Variants in ST14 observed in about 807,000 individuals in gnomAD.
The protein encoded by ST14 is ST14 transmembrane serine protease matriptase.
Under a neutral mutation model 96.5 loss-of-function variants are expected in ST14, and 40 were observed. That is an observed-to-expected ratio of 0.41 (90% CI 0.32 to 0.54). ST14 has a LOEUF of 0.54. Among genes scored for constraint, ST14 ranks in the 20% least tolerant of loss-of-function variants. The pLI is 0.17. For missense variants in ST14, 1,066 were observed against 1,188.9 expected, an observed-to-expected ratio of 0.90 and a Z score of 1.52; for synonymous variants, 506 against 492.1, an observed-to-expected ratio of 1.03 and a Z score of -0.37.
chr11:130,190,181 G>A, intron 6 of ST14, 33 bp downstream of exon 6: 1 of 1,613,996 alleles, frequency 6.2e-7, no homozygotes, highest in Non-Finnish European at 8.5e-7. Context: ...CTTCTGGGTG[G>A]GGAAGAGGCG....
intron 1 of ST14, among the ~76,000 whole-genome samples, chr11:130,160,300 G>A (rs1035742448): frequency 1.3e-5 from 2 of 151,834 alleles, no homozygotes; most frequent in Non-Finnish European, 2.9e-5. Flanking sequence ...GCCTTCCTGC[G>A]CCCTCGGTCC....
At position 130,198,453 on chromosome 11, in the gene ST14, G is replaced by A; in HGVS notation, c.1570+35G>A. 1.9e-6 allele frequency: 3 copies of A among 1,613,096 alleles called. No homozygotes were observed. The Admixed American group carries it at 5.0e-5, about 27-fold the overall frequency. On this transcript the variant is annotated intron_variant, in intron 13 of 18. Transcript: ENST00000278742. ...GGGGAGGGGCTGCCTGGGCGGGCAGGTGGGCGGGGCGACTGACGGTGGCTC... is the reference window on the plus strand; with the variant it reads ...GGGGAGGGGCTGCCTGGGCGGGCAGATGGGCGGGGCGACTGACGGTGGCTC...
chr11:130,178,694 C>T (rs746350917), intron 1 of ST14, among the ~76,000 whole-genome samples: 2 of 152,290 alleles, frequency 1.3e-5, no homozygotes, highest in African/African-American at 4.8e-5. Flanking sequence ...GCTTTGTGTT[C>T]CCCTGATGGG....
In ST14 at chr11:130,210,318, G is replaced by A. The variant is rs1953539748; in HGVS notation, c.*495G>A. 1 of 165,482 alleles carries A rather than the reference G, an allele frequency of 6.0e-6. No individual in the cohort carries two copies. Among genetic ancestry groups the A allele is most frequent in the Non-Finnish European group, 1.3e-5 (1 of 76,110 alleles). The allele number at this position is 165,482 out of a possible 1,614,324, so 10.3% of individuals were successfully genotyped here. ...TTACCAGCTCCCAGGGTGGACTTCA[G>A]TGTGTGTATTTGTGTAAATGAGTAA... On this transcript the variant is annotated 3_prime_UTR_variant, in exon 19 of 19. Transcript: ENST00000278742.
intron 16 of ST14, among the ~76,000 whole-genome samples, chr11:130,206,311 G>A (rs73587048): frequency 0.037 from 5,584 of 152,222 alleles, 313 homozygotes; most frequent in African/African-American, 0.12. Flanking sequence ...TGAGCACCTG[G>A]CTCGGGACGC....
Position 130,194,725 on chromosome 11 carries a change from A to C in ST14, c.1101A>C (p.Thr367=), listed in dbSNP as rs141857174. Residue 367 remains threonine, a synonymous_variant, in exon 9 of 19, where the codon ACA becomes ACC. Coordinates refer to ENST00000278742, the MANE Select transcript of ST14 (RefSeq NM_021978.4). The part of the protein sequence containing the change: ...PGHYPPNIDC[T]WNIEVPNNQH... ...ACTACCCACCCAACATTGACTGCAC[A>C]TGGAACATTGAGGTAGGAGCTATGG... 30 of 1,613,962 alleles carry C rather than the reference A, an allele frequency of 1.9e-5. 1 individual carries two copies. In the South Asian group the frequency reaches 2.9e-4, roughly 15 times the overall value.
rs1953192547 is a variant in ST14 at position 130,181,478 on chromosome 11, T to G, written c.82-6636T>G. ...CACACCTGGCTTCATAGCACCGTTT[T>G]ATGTGTGCACCTGCAAAGATGTTTA... On this transcript the variant is annotated intron_variant, in intron 1 of 18. Transcript: ENST00000278742. The surrounding 1 kb of genome is among the most constrained non-coding windows in gnomAD (Gnocchi z 4.1). 6.6e-6 allele frequency among the ~76,000 whole-genome samples: 1 copy of G among 152,214 alleles called. No homozygotes were observed. The highest frequency in any genetic ancestry group is 2.4e-5 in the African/African-American group (1 of 41,444).
chr11:130,203,018 G>A (rs900961318), intron 16 of ST14, among the ~76,000 whole-genome samples: 8 of 152,232 alleles, frequency 5.3e-5, no homozygotes, highest in Non-Finnish European at 1.2e-4. Context: ...AGACGTGCAT[G>A]CCTTAAACGT....
In ST14 at chr11:130,190,568, G is replaced by A; in HGVS notation, c.749G>A (p.Gly250Glu). 6.2e-7 allele frequency: 1 copy of A among 1,612,616 alleles called. No homozygotes were observed. Among genetic ancestry groups the A allele is most frequent in the Non-Finnish European group, 8.5e-7 (1 of 1,179,866 alleles). ...GCCCGCTGCCAGTGGGCCCTGCGGG[G>A]GGACGCCGACTCAGTGCTGAGCCTC... is the stretch of plus-strand genomic sequence containing the variant. ...AHARCQWALR[G>E]DADSVLSLTF... The change falls in exon 7 of 19, where the codon GGG becomes GAG. Residue 250 changes from glycine to glutamate, a missense_variant. Physicochemically the swap from Gly to Glu is moderately conservative, Grantham distance 98. Transcript: ENST00000278742.
At chr11:130,163,745 T>G (rs981946430) in intron 1 of ST14, among the ~76,000 whole-genome samples, 2 of 152,164 alleles carry the variant, frequency 1.3e-5, no homozygotes, top group Non-Finnish European at 2.9e-5. Context: ...TCCCTCTGCC[T>G]TGGTCCTGAG....
intron 9 of ST14, 150 bp downstream of exon 9, chr11:130,194,887 T>A: frequency 1.2e-6 from 1 of 806,764 alleles, no homozygotes. Context: ...CGTATGTGTG[T>A]GTGTGAGACA....
intron 1 of ST14, 70 bp downstream of exon 1, chr11:130,160,130 G>T: frequency 3.7e-6 from 4 of 1,091,884 alleles, no homozygotes; most frequent in Non-Finnish European, 4.8e-6. Context: ...GCGGCGCTGG[G>T]CTCGGCCGGC....
chr11:130,200,045 T>C lies in ST14; in HGVS notation c.1902T>C (p.Ala634=), dbSNP rs989368280. The part of the protein sequence containing the change: ...GEWPWQVSLH[A]LGQGHICGAS... The stretch of plus-strand genomic sequence containing the variant: ...GGCCCTGGCAGGTAAGCCTGCATGC[T>C]CTGGGCCAGGGCCACATCTGCGGTG... The change falls in exon 16 of 19, where the codon GCT becomes GCC. Residue 634 remains alanine (A), a synonymous_variant. Coordinates refer to ENST00000278742, the MANE Select transcript of ST14 (RefSeq NM_021978.4). 1.9e-6 allele frequency: 3 copies of C among 1,614,184 alleles called. No homozygotes were observed. The highest frequency in any genetic ancestry group is 1.3e-5 in the African/African-American group (1 of 75,058).
At position 130,189,908 on chromosome 11, in the gene ST14, G is replaced by A. The variant is rs1953277587; in HGVS notation, c.598+12G>A. On this transcript the variant is annotated intron_variant, in intron 5 of 18. Coordinates refer to ENST00000278742, the MANE Select transcript of ST14 (RefSeq NM_021978.4). ...AGTGGTGGCTTTCCGTGAGTCCGAG[G>A]GCCAGGGGTGGGCGTGGGACTGGCC... The A allele has an allele frequency of 6.2e-7, 1 of 1,613,452 alleles. No homozygotes were observed.
At chr11:130,199,689 G>A (rs917328328) in intron 15 of ST14, among the ~76,000 whole-genome samples, 144 of 152,282 alleles carry the variant, frequency 9.5e-4, no homozygotes, top group African/African-American at 3.3e-3. Context: ...GGAGGCCCTC[G>A]CTGCATTTGT....
chr11:130,189,852 C>A lies in ST14; in HGVS notation c.554C>A (p.Ala185Glu), dbSNP rs761217492. The change falls in exon 5 of 19, where the codon GCG (alanine) becomes GAG (glutamate). Residue 185 changes from alanine to glutamate, a missense_variant. Transcript: ENST00000278742. ...CGCGTAGTCATGCTGCCCCCGCGGG[C>A]GCGCTCCCTGAAGTCCTTTGTGGTC... Reference protein sequence around the residue: ...EERVVMLPPRARSLKSFVVTS... With the variant: ...EERVVMLPPRERSLKSFVVTS... 6.2e-7 allele frequency: 1 copy of A among 1,613,888 alleles called. No individual in the cohort carries two copies. The highest frequency in any genetic ancestry group is 1.3e-5 in the African/African-American group (1 of 75,062).
chr11:130,189,654 C>T (rs569552021), intron 4 of ST14, 85 bp from the exon 5 acceptor site: 128 of 1,570,370 alleles, frequency 8.2e-5, no homozygotes, highest in South Asian at 4.5e-4. Context: ...TGCCCCGAGC[C>T]GCCCATGTGT....
chr11:130,190,422 C>G (rs773762711), intron 6 of ST14, 32 bp from the exon 7 acceptor site: 18 of 1,604,054 alleles, frequency 1.1e-5, no homozygotes, highest in East Asian at 4.5e-5. Context: ...GCCCTGCCCC[C>G]ACACGTGCCC....
At chr11:130,194,042 A>G (rs1953332798) in intron 7 of ST14, 107 bp from the exon 8 acceptor site, 10 of 1,440,430 alleles carry the variant, frequency 6.9e-6, no homozygotes, top group Non-Finnish European at 9.8e-6. Context: ...ATGGGACCAG[A>G]GTTAGGGGTG....
Sources: allele counts gnomAD v4.1 joint callset (sites outside exome capture counted in the v4.1 genomes callset), GRCh38; gene constraint gnomAD v4.1.1; non-coding constraint Gnocchi (gnomAD v3.1); transcripts MANE v1.5; gene names NCBI Gene and HGNC (gene_info 2026-07-23, HGNC 2026-07-21).